The following AOAH variants were observed in gnomAD, a reference collection of about 807,000 sequenced individuals.
AOAH encodes the protein acyloxyacyl hydrolase, also known as acyloxyacyl hydrolase (neutrophil).
AOAH carries 64 observed loss-of-function variants against 92.2 expected under a neutral mutation model. The ratio of observed to expected loss-of-function variants is 0.69; its 90% CI spans 0.57 to 0.86. The LOEUF (loss-of-function observed/expected upper bound fraction) is 0.86. AOAH is among the 40% of genes least tolerant of loss of function. The pLI, the probability that AOAH is intolerant of heterozygous loss-of-function variation, is 0.00. For synonymous variants in AOAH, 263 were observed against 254.5 expected (o/e 1.03, Z -0.32); for missense variants, 656 against 694.6 (o/e 0.94, Z 0.62).
intron 16 of AOAH, among the ~76,000 whole-genome samples, chr7:36,535,046 GTATGTGTC>G (rs1562543313): frequency 1.0e-4 from 9 of 86,626 alleles, no homozygotes; most frequent in South Asian, 8.2e-4. Context: ...CTGTGTGTGT[GTATGTGTC>G]TGTGTGTGTG....
intron 11 of AOAH, among the ~76,000 whole-genome samples, chr7:36,607,769 CT>C (rs1791116111): frequency 6.6e-6 from 1 of 152,208 alleles, no homozygotes; most frequent in South Asian, 2.1e-4. Context: ...ACTTGGCCAG[CT>C]TTTCCTTCCT....
chr7:36,699,943 GT>G (rs1382775856), intron 1 of AOAH, among the ~76,000 whole-genome samples: 1 of 151,944 alleles, frequency 6.6e-6, no homozygotes, highest in East Asian at 1.9e-4. Context: ...TTAGATTTAA[GT>G]TTTTAATCCA....
At chr7:36,615,645 G>A (rs1053387932) in intron 11 of AOAH, among the ~76,000 whole-genome samples, 3 of 152,196 alleles carry the variant, frequency 2.0e-5, no homozygotes, top group Non-Finnish European at 4.4e-5. Flanking sequence ...CACAATTTGA[G>A]AGGAAGATAA....
At chr7:36,562,920 A>G (rs1437330441) in intron 13 of AOAH, among the ~76,000 whole-genome samples, 5 of 151,938 alleles carry the variant, frequency 3.3e-5, no homozygotes, top group Non-Finnish European at 7.4e-5. Flanking sequence ...AGGCCAAGGC[A>G]GGCAGATCAT....
intron 3 of AOAH, among the ~76,000 whole-genome samples, chr7:36,668,756 G>A (rs558906208): frequency 3.2e-4 from 48 of 152,246 alleles, no homozygotes; most frequent in African/African-American, 8.4e-4. Flanking sequence ...CAAAGTGTTG[G>A]GATTACAGGC....
At chr7:36,518,656 A>C (rs1783952181) in intron 20 of AOAH, among the ~76,000 whole-genome samples, 1 of 152,244 alleles carries the variant, frequency 6.6e-6, no homozygotes, top group Non-Finnish European at 1.5e-5. Flanking sequence ...TCTGGTTAAT[A>C]GAGGTTCTTT....
intron 3 of AOAH, 74 bp downstream of exon 3, chr7:36,673,869 T>C (rs1428443453): frequency 1.9e-6 from 2 of 1,045,392 alleles, no homozygotes; most frequent in African/African-American, 1.6e-5. Flanking sequence ...ACACAGAGCC[T>C]CCCACCTCCC....
intron 13 of AOAH, among the ~76,000 whole-genome samples, chr7:36,576,168 C>A (rs541151636): frequency 6.6e-6 from 1 of 152,322 alleles, no homozygotes; most frequent in East Asian, 1.9e-4. Flanking sequence ...AAACTGAAAA[C>A]TCCAACCCCA....
chr7:36,570,870 G>T (rs1292965885), intron 13 of AOAH, among the ~76,000 whole-genome samples: 3 of 152,044 alleles, frequency 2.0e-5, no homozygotes, highest in Non-Finnish European at 4.4e-5. Context: ...ACTTATTTAG[G>T]TTAAAAAAAA....
intron 1 of AOAH, among the ~76,000 whole-genome samples, chr7:36,714,870 CATACTGA>C (rs1799022776): frequency 6.6e-6 from 1 of 152,160 alleles, no homozygotes; most frequent in African/African-American, 2.4e-5. Context: ...CAGCCAATAT[CATACTGA>C]ATGGGCAAAA....
In AOAH at chr7:36,614,475, G is replaced by T. The variant is rs2001600; in HGVS notation, c.846+1905C>A. On this transcript the variant is annotated intron_variant, in intron 11 of 20. Coordinates refer to ENST00000617537, the MANE Select transcript of AOAH (RefSeq NM_001637.4). The surrounding 1 kb of genome is among the most constrained non-coding windows in gnomAD (Gnocchi z 4.2). ...GTTTGTTATGTGAGTGAAGTCCAGTGGGCCAACTGAGCATGTGTGAGCGAG... is the reference window on the plus strand; with the variant it reads ...GTTTGTTATGTGAGTGAAGTCCAGTTGGCCAACTGAGCATGTGTGAGCGAG... Among the ~76,000 whole-genome samples, 2 of 151,900 alleles carry T rather than the reference G, an allele frequency of 1.3e-5. No homozygotes were observed. The highest frequency in any genetic ancestry group is 2.9e-5 in the Non-Finnish European group (2 of 67,968).
chr7:36,620,356 C>T (rs1792191011), intron 9 of AOAH, among the ~76,000 whole-genome samples: 1 of 151,310 alleles, frequency 6.6e-6, no homozygotes, highest in Non-Finnish European at 1.5e-5. Flanking sequence ...TGTGAGTGGT[C>T]GGGTAAATAC....
chr7:36,698,074 C>T (rs888518492), intron 1 of AOAH, among the ~76,000 whole-genome samples: 1 of 152,120 alleles, frequency 6.6e-6, no homozygotes, highest in Non-Finnish European at 1.5e-5. Context: ...TATAGCATCC[C>T]TAGGAAACGA....
chr7:36,632,721 A>G (rs1793216520), intron 5 of AOAH, among the ~76,000 whole-genome samples: 1 of 152,208 alleles, frequency 6.6e-6, no homozygotes, highest in Non-Finnish European at 1.5e-5. Context: ...AGAAGAAGAC[A>G]ATAGGGTAGA....
intron 13 of AOAH, among the ~76,000 whole-genome samples, chr7:36,568,770 T>C (rs527364298): frequency 6.6e-6 from 1 of 152,310 alleles, no homozygotes; most frequent in East Asian, 1.9e-4. Context: ...TCCTTAGCCT[T>C]CCTGACCTGA....
At chr7:36,619,861 A>C (rs1003855005) in intron 9 of AOAH, among the ~76,000 whole-genome samples, 2 of 152,184 alleles carry the variant, frequency 1.3e-5, no homozygotes, top group African/African-American at 4.8e-5. Context: ...AAATAATTGC[A>C]GTTTTTGCCG....
chr7:36,515,027 T>C (rs1186084676), intron 20 of AOAH, among the ~76,000 whole-genome samples: 1 of 151,798 alleles, frequency 6.6e-6, no homozygotes, highest in Non-Finnish European at 1.5e-5. Context: ...ATCTCGGTCA[T>C]GTCCATGCAG....
chr7:36,610,277 A>G (rs1256974520), intron 11 of AOAH, among the ~76,000 whole-genome samples: 3 of 151,820 alleles, frequency 2.0e-5, no homozygotes, highest in Non-Finnish European at 4.4e-5. Context: ...TATAATGAGT[A>G]TAAAAACAAA....
In AOAH at chr7:36,696,993, C is replaced by A. The variant is rs370544805; in HGVS notation, c.128-10199G>T. Reference sequence around the variant, plus strand: ...TTTAGGATTATGTTGTCTGACAATACAGTTTTACTTACTCCTTTCCAATCT... The same window carrying A: ...TTTAGGATTATGTTGTCTGACAATAAAGTTTTACTTACTCCTTTCCAATCT... On this transcript the variant is annotated intron_variant, in intron 1 of 20. Transcript: ENST00000617537. Among the ~76,000 whole-genome samples the A allele has an allele frequency of 3.9e-5, 6 of 152,206 alleles. No individual in the cohort carries two copies. The East Asian group carries it at 1.2e-3, about 29-fold the overall frequency.
Sources: gnomAD v4.1 joint callset for allele counts (sites outside exome capture counted in the v4.1 genomes callset) on GRCh38, gnomAD v4.1.1 for gene constraint, Gnocchi (gnomAD v3.1) non-coding constraint, MANE v1.5 for transcripts, NCBI Gene and HGNC (gene_info 2026-07-23, HGNC 2026-07-21) for gene names.